The following PRKD1 variants were observed in gnomAD, a reference collection of about 807,000 sequenced individuals.
PRKD1 encodes protein kinase D1.
A neutral mutation model predicts 95.9 loss-of-function variants in PRKD1; 63 were observed. The observed-to-expected ratio is 0.66, with a 90% CI of 0.54 to 0.81. The LOEUF (loss-of-function observed/expected upper bound fraction) is 0.81, where lower values mean the gene tolerates loss of function less well. PRKD1 is among the 30% of genes least tolerant of loss of function. The probability of loss-of-function intolerance (pLI) is 0.00; values close to 1 mark genes in which losing one functional copy is unlikely to be tolerated. For synonymous variants in PRKD1, 425 were observed against 423.1 expected (o/e 1.00, Z -0.05); for missense variants, 1,048 against 1,165.3 (o/e 0.90, Z 1.47).
intron 1 of PRKD1, among the ~76,000 whole-genome samples, chr14:29,762,237 G>C (rs1222311326): frequency 3.3e-5 from 5 of 152,148 alleles, no homozygotes; most frequent in African/African-American, 1.2e-4. Context: ...GCTCTAGACT[G>C]AACTTGGCAA....
Position 29,638,601 on chromosome 14 carries a change from G to T in PRKD1, c.908-35C>A, listed in dbSNP as rs778343088. The T allele has an allele frequency of 3.7e-6, 6 of 1,613,000 alleles. No individual in the cohort carries two copies. The Admixed American group carries it at 1.0e-4, about 27-fold the overall frequency. On this transcript the variant is annotated intron_variant, in intron 5 of 17. Coordinates refer to ENST00000331968, the MANE Select transcript of PRKD1 (RefSeq NM_002742.3). ...GTGATTTTCAAACAAAACAAAATGA[G>T]AATTTGTCATAAAGAAAAGTGGTAA...
At chr14:29,766,488 T>C (rs1888262612) in intron 1 of PRKD1, among the ~76,000 whole-genome samples, 1 of 152,218 alleles carries the variant, frequency 6.6e-6, no homozygotes, top group African/African-American at 2.4e-5. Context: ...CAACTGTGGC[T>C]TTGTTTTCAT....
At chr14:29,634,876 A>G (rs1880264874) in intron 7 of PRKD1, among the ~76,000 whole-genome samples, 1 of 152,096 alleles carries the variant, frequency 6.6e-6, no homozygotes, top group Non-Finnish European at 1.5e-5. Flanking sequence ...TACTAAAAGT[A>G]CAAAAAAAAT....
At chr14:29,894,526 C>A (rs1451352233) in intron 1 of PRKD1, among the ~76,000 whole-genome samples, 3 of 152,142 alleles carry the variant, frequency 2.0e-5, no homozygotes, top group Non-Finnish European at 2.9e-5. Flanking sequence ...TTTTACACTG[C>A]AGCATGATTT....
Position 29,578,259 on chromosome 14 carries a change from A to C in PRKD1, c.2520+16T>G, listed in dbSNP as rs569603074. On this transcript the variant is annotated intron_variant, in intron 17 of 17. Coordinates refer to ENST00000331968, the MANE Select transcript of PRKD1 (RefSeq NM_002742.3). ...GAAGCTCATTCAACTAAGAAAACTCAGTGATTATTGTTTACCTGTAGCCAA... is the reference window on the plus strand; with the variant it reads ...GAAGCTCATTCAACTAAGAAAACTCCGTGATTATTGTTTACCTGTAGCCAA... 1 of 1,558,044 alleles carries C rather than the reference A, an allele frequency of 6.4e-7. No homozygotes were observed. The highest frequency in any genetic ancestry group is 8.8e-7 in the Non-Finnish European group (1 of 1,141,956).
intron 16 of PRKD1, among the ~76,000 whole-genome samples, chr14:29,585,951 G>A (rs1380260978): frequency 6.6e-6 from 1 of 152,226 alleles, no homozygotes; most frequent in African/African-American, 2.4e-5. Context: ...ACTGTGCTAA[G>A]TAGTGCTTCT....
chr14:29,601,311 C>T lies in PRKD1; in HGVS notation c.1906-1494G>A, dbSNP rs144349387. ...CATTTCTTAGAGAGTCCTTTTTCTA[C>T]TTTGCCTGTTTTGATCTCTGCCTCA... On this transcript the variant is annotated intron_variant, in intron 13 of 17. Coordinates refer to ENST00000331968, the MANE Select transcript of PRKD1 (RefSeq NM_002742.3). 5.9e-5 allele frequency among the ~76,000 whole-genome samples: 9 copies of T among 152,290 alleles called. No homozygotes were observed. The East Asian group carries it at 1.7e-3, about 29-fold the overall frequency.
In PRKD1 at chr14:29,784,097, T is replaced by C. The variant is rs535029464; in HGVS notation, c.265-58423A>G. ...ATGTTTTCTTCTAGCGGTTTTATAG[T>C]TTCAGGTCTTATATTTAAGTCTTTA... On this transcript the variant is annotated intron_variant, in intron 1 of 17. Transcript: ENST00000331968. 3.3e-5 allele frequency among the ~76,000 whole-genome samples: 5 copies of C among 152,308 alleles called. No homozygotes were observed. The East Asian group carries it at 9.6e-4, about 29-fold the overall frequency.
intron 1 of PRKD1, among the ~76,000 whole-genome samples, chr14:29,777,694 G>A (rs1888834035): frequency 6.6e-6 from 1 of 152,124 alleles, no homozygotes; most frequent in South Asian, 2.1e-4. Context: ...CAGTAATAAT[G>A]GGAGACTTTA....
intron 1 of PRKD1, among the ~76,000 whole-genome samples, chr14:29,806,311 A>C (rs1410346365): frequency 6.6e-6 from 1 of 152,228 alleles, no homozygotes; most frequent in Admixed American, 6.5e-5. Flanking sequence ...GAGTAAGGAC[A>C]ATTTCAGTTT....
intron 2 of PRKD1, among the ~76,000 whole-genome samples, chr14:29,673,965 T>C (rs1434103763): frequency 2.0e-5 from 3 of 152,116 alleles, no homozygotes; most frequent in South Asian, 4.2e-4. Context: ...TGAACCTCAG[T>C]GTCCCTTTCT....
chr14:29,684,694 G>A (rs1315304579), intron 2 of PRKD1, among the ~76,000 whole-genome samples: 1 of 152,174 alleles, frequency 6.6e-6, no homozygotes, highest in Admixed American at 6.5e-5. Context: ...GATAGTCTCA[G>A]TCTGCTAAAA....
intron 2 of PRKD1, among the ~76,000 whole-genome samples, chr14:29,686,821 G>A (rs908744580): frequency 3.1e-4 from 47 of 152,198 alleles, no homozygotes; most frequent in Non-Finnish European, 6.0e-4. Context: ...ATTAAGTACT[G>A]TAGAAGGAAA....
At chr14:29,732,645 G>A (rs1886495292) in intron 1 of PRKD1, among the ~76,000 whole-genome samples, 1 of 152,040 alleles carries the variant, frequency 6.6e-6, no homozygotes, top group South Asian at 2.1e-4. Context: ...CATAAAAGCT[G>A]GATGGCAAAC....
chr14:29,767,352 A>G (rs958025132), intron 1 of PRKD1, among the ~76,000 whole-genome samples: 5 of 152,134 alleles, frequency 3.3e-5, no homozygotes, highest in African/African-American at 1.2e-4. Context: ...CCCATGAGGT[A>G]GGATCCATAA....
intron 2 of PRKD1, among the ~76,000 whole-genome samples, chr14:29,695,917 A>G (rs1187459896): frequency 6.6e-6 from 1 of 152,220 alleles, no homozygotes; most frequent in East Asian, 1.9e-4. Context: ...ATAGCATTTT[A>G]CAATAAATGT....
At chr14:29,653,325 T>C (rs943021816) in intron 4 of PRKD1, among the ~76,000 whole-genome samples, 1 of 152,154 alleles carries the variant, frequency 6.6e-6, no homozygotes, top group African/African-American at 2.4e-5. Flanking sequence ...CCAAAAAGAT[T>C]AGGCTAGAAG....
At chr14:29,607,721 G>A (rs955796060) in intron 13 of PRKD1, among the ~76,000 whole-genome samples, 6 of 150,392 alleles carry the variant, frequency 4.0e-5, no homozygotes, top group Middle Eastern at 3.2e-3. Flanking sequence ...AGGGGCTCAT[G>A]TCATTAGATT....
intron 4 of PRKD1, among the ~76,000 whole-genome samples, chr14:29,644,905 A>T (rs1408235617): frequency 6.6e-6 from 1 of 151,578 alleles, no homozygotes; most frequent in Non-Finnish European, 1.5e-5. Flanking sequence ...CTATTTATAC[A>T]TTTTATACAA....
Sources: allele counts gnomAD v4.1 joint callset (sites outside exome capture counted in the v4.1 genomes callset), GRCh38; gene constraint gnomAD v4.1.1; transcripts MANE v1.5; gene names NCBI Gene and HGNC (gene_info 2026-07-23, HGNC 2026-07-21).